SLC9A9: variants seen among roughly 807,000 people sequenced by gnomAD.
SLC9A9 encodes sodium/hydrogen exchanger 9.
SLC9A9 carries 62 observed loss-of-function variants against 77.8 expected under a neutral mutation model. That is an observed-to-expected ratio of 0.80 (90% confidence interval 0.65 to 0.98). The LOEUF (loss-of-function observed/expected upper bound fraction) is 0.98, where lower values mean the gene tolerates loss of function less well. SLC9A9 is among the 50% of genes least tolerant of loss of function. SLC9A9 has a pLI of 0.00. For synonymous variants in SLC9A9, 320 were observed against 283.5 expected (o/e 1.13, Z -1.29); for missense variants, 775 against 774.9 (o/e 1.00, Z 0.00).
rs142164933 is a variant in SLC9A9, at chr3:143,752,403, C to A, written c.533+42598G>T. Reference sequence around the variant, plus strand: ...TTTTAGGCACCGTTGCCTGATAAAGCTGAGACGATTTAACACAAGAGATGC... The same window carrying A: ...TTTTAGGCACCGTTGCCTGATAAAGATGAGACGATTTAACACAAGAGATGC... On this transcript the variant is annotated intron_variant, in intron 4 of 15. Coordinates refer to ENST00000316549, the MANE Select transcript of SLC9A9 (RefSeq NM_173653.4). Among the ~76,000 whole-genome samples the A allele has an allele frequency of 3.6e-3, 548 of 152,298 alleles. 3 individuals carry two copies. The highest frequency in any genetic ancestry group is 0.012 in the African/African-American group (507 of 41,558).
chr3:143,520,748 A>C (rs891742099), intron 9 of SLC9A9, among the ~76,000 whole-genome samples: 2 of 152,208 alleles, frequency 1.3e-5, no homozygotes, highest in African/African-American at 4.8e-5. Flanking sequence ...GTCTGACTCC[A>C]GTCTGTGCTC....
intron 4 of SLC9A9, among the ~76,000 whole-genome samples, chr3:143,751,203 G>A (rs1018599384): frequency 6.6e-6 from 1 of 152,168 alleles, no homozygotes; most frequent in African/African-American, 2.4e-5. Context: ...CATGCTGTGT[G>A]GAGAAAAGGT....
At chr3:143,339,711 G>A (rs2032039271) in intron 14 of SLC9A9, among the ~76,000 whole-genome samples, 1 of 152,118 alleles carries the variant, frequency 6.6e-6, no homozygotes, top group Admixed American at 6.5e-5. Flanking sequence ...GCTATACTCT[G>A]GAATACTCAA....
At chr3:143,408,860 T>C (rs1417833960) in intron 12 of SLC9A9, among the ~76,000 whole-genome samples, 3 of 152,206 alleles carry the variant, frequency 2.0e-5, no homozygotes, top group Non-Finnish European at 2.9e-5. Context: ...TTGGGCCATT[T>C]TGCCATCATT....
rs1283082459 is a variant in SLC9A9, at chr3:143,848,172, C to G, written c.151G>C (p.Glu51Gln). The G allele has an allele frequency of 6.2e-7, 1 of 1,614,016 alleles. No homozygotes were observed. Among genetic ancestry groups the G allele is most frequent in the East Asian group, 2.2e-5 (1 of 44,884 alleles). Residue 51 changes from glutamate to glutamine, a missense_variant, in exon 1 of 16, where the codon GAA becomes CAA. Coordinates refer to ENST00000316549, the MANE Select transcript of SLC9A9 (RefSeq NM_173653.4). ...FKNHRFRFLH[E>Q]TGGAMVYGLI... ...CCATACACCATTGCTCCTCCAGTTT[C>G]ATGCAAGAAGCGGAATCGATGATTT...
At chr3:143,332,100 GA>G (rs1238378117) in intron 14 of SLC9A9, among the ~76,000 whole-genome samples, 1 of 152,168 alleles carries the variant, frequency 6.6e-6, no homozygotes, top group Non-Finnish European at 1.5e-5. Context: ...TCATAGGGAG[GA>G]AATGCAACTA....
At chr3:143,650,568 T>C (rs973528507) in intron 6 of SLC9A9, among the ~76,000 whole-genome samples, 9 of 152,196 alleles carry the variant, frequency 5.9e-5, no homozygotes, top group African/African-American at 2.2e-4. Context: ...AGCTGGTATT[T>C]GAATATGTAA....
intron 4 of SLC9A9, among the ~76,000 whole-genome samples, chr3:143,731,853 TG>T (rs1405799247): frequency 1.3e-5 from 2 of 152,208 alleles, no homozygotes; most frequent in Admixed American, 1.3e-4. Flanking sequence ...CCCCATGATC[TG>T]TTTGCCTCTA....
At chr3:143,354,364 A>G (rs907668028) in intron 14 of SLC9A9, among the ~76,000 whole-genome samples, 1 of 152,254 alleles carries the variant, frequency 6.6e-6, no homozygotes, top group Non-Finnish European at 1.5e-5. Context: ...TTTGACATAC[A>G]TTGAGAATCA....
chr3:143,353,752 G>C (rs1174125203), intron 14 of SLC9A9, among the ~76,000 whole-genome samples: 4 of 152,064 alleles, frequency 2.6e-5, no homozygotes, highest in African/African-American at 9.7e-5. Context: ...TTAGGAGAAG[G>C]CAGAAGACTT....
At chr3:143,822,615 G>A (rs778600756) in intron 2 of SLC9A9, among the ~76,000 whole-genome samples, 20 of 152,148 alleles carry the variant, frequency 1.3e-4, no homozygotes, top group Admixed American at 3.3e-4. Flanking sequence ...GCTTCCTAAT[G>A]ACCTCAGGAG....
At chr3:143,459,474 G>T (rs563142583) in intron 12 of SLC9A9, among the ~76,000 whole-genome samples, 2 of 152,240 alleles carry the variant, frequency 1.3e-5, no homozygotes, top group African/African-American at 4.8e-5. Flanking sequence ...GTTGCTGGTT[G>T]TTCCAATGTC....
intron 4 of SLC9A9, among the ~76,000 whole-genome samples, chr3:143,739,799 A>G (rs1392675716): frequency 1.3e-5 from 2 of 152,182 alleles, no homozygotes; most frequent in African/African-American, 4.8e-5. Flanking sequence ...CAGCTTCAGT[A>G]TCTCCTGGGA....
At chr3:143,379,580 C>A (rs7650880) in intron 13 of SLC9A9, among the ~76,000 whole-genome samples, 129,060 of 152,216 alleles carry the variant, frequency 0.85, 54,952 homozygotes, top group African/African-American at 0.92. Context: ...GTTCAGGAGG[C>A]GCCATGTCAA....
intron 4 of SLC9A9, among the ~76,000 whole-genome samples, chr3:143,723,823 T>C (rs1445015736): frequency 6.6e-6 from 1 of 152,198 alleles, no homozygotes; most frequent in Non-Finnish European, 1.5e-5. Context: ...CCTGAGAGTG[T>C]GTTGAAAATG....
At chr3:143,394,517 G>A (rs2033651244) in intron 12 of SLC9A9, among the ~76,000 whole-genome samples, 1 of 152,152 alleles carries the variant, frequency 6.6e-6, no homozygotes, top group South Asian at 2.1e-4. Flanking sequence ...GCAAAAACTG[G>A]AAGCATTCCC....
chr3:143,661,168 G>A (rs2038973044), intron 5 of SLC9A9, among the ~76,000 whole-genome samples: 1 of 152,200 alleles, frequency 6.6e-6, no homozygotes, highest in Non-Finnish European at 1.5e-5. Context: ...CCAAGTCTGA[G>A]GGGAGCAAGC....
intron 12 of SLC9A9, among the ~76,000 whole-genome samples, chr3:143,396,223 G>C (rs1323676517): frequency 6.6e-6 from 1 of 152,166 alleles, no homozygotes; most frequent in Non-Finnish European, 1.5e-5. Flanking sequence ...TGATAGACTG[G>C]ATTAAGAAAA....
At chr3:143,626,930 T>G (rs1387593876) in intron 6 of SLC9A9, 1 of 151,280 alleles carries the variant, frequency 6.6e-6, no homozygotes, top group Non-Finnish European at 1.5e-5. Flanking sequence ...TGGAGTGCAG[T>G]GGCATGATCT....
Sources: gnomAD v4.1 joint callset for allele counts (sites outside exome capture counted in the v4.1 genomes callset) on GRCh38, gnomAD v4.1.1 for gene constraint, MANE v1.5 for transcripts, NCBI Gene and HGNC (gene_info 2026-07-23, HGNC 2026-07-21) for gene names.